The following ANKHD1 variants were observed in gnomAD, a reference collection of about 807,000 sequenced individuals.
The protein encoded by ANKHD1 is ankyrin repeat and KH domain-containing protein 1.
A neutral mutation model predicts 230.5 loss-of-function variants in ANKHD1; 31 were observed. That is an observed-to-expected ratio of 0.13 (90% CI 0.10 to 0.18). The LOEUF is 0.18. ANKHD1 is among the 10% of genes least tolerant of loss of function. ANKHD1 has a pLI of 1.00. For missense variants in ANKHD1, 2,256 were observed against 3,071.3 expected (o/e 0.73, Z 6.27); for synonymous variants, 1,074 against 1,117.6 (o/e 0.96, Z 0.78).
At position 140,507,708 on chromosome 5, in the gene ANKHD1, C is replaced by A; in HGVS notation, c.3552-77C>A. ...TTAGAAACCTCTCTTTTTAGTGAAA[C>A]CTTTTCATCTTTAATGCTTTTCTAA... On this transcript the variant is annotated intron_variant, in intron 19 of 33. Coordinates refer to ENST00000360839, the MANE Select transcript of ANKHD1 (RefSeq NM_017747.3). The surrounding 1 kb of genome is among the most constrained non-coding windows in gnomAD (Gnocchi z 4.1). The A allele has an allele frequency of 6.6e-7, 1 of 1,520,024 alleles. No individual in the cohort carries two copies. Among genetic ancestry groups the A allele is most frequent in the Non-Finnish European group, 8.9e-7 (1 of 1,125,242 alleles). 94.2% of individuals were successfully genotyped at this position (1,520,024 alleles called of 1,614,324 possible).
rs1346682129 is a variant in ANKHD1 at position 140,480,418 on chromosome 5, G to A, written c.1783-2162G>A. ...TTTTTAAAGTTTATTCTAAATCAGG[G>A]CTGAAAGCTTTGAAATCATTTTTCA... On this transcript the variant is annotated intron_variant, in intron 10 of 33. Coordinates refer to ENST00000360839, the MANE Select transcript of ANKHD1 (RefSeq NM_017747.3). Among the ~76,000 whole-genome samples, 4 of 152,080 alleles carry A rather than the reference G, an allele frequency of 2.6e-5. No individual in the cohort carries two copies. In the East Asian group the frequency reaches 7.7e-4, roughly 29 times the overall value.
chr5:140,432,838 G>A (rs1347393165), intron 1 of ANKHD1, among the ~76,000 whole-genome samples: 8 of 151,938 alleles, frequency 5.3e-5, no homozygotes, highest in Non-Finnish European at 1.2e-4. Flanking sequence ...TGAGTAGCTG[G>A]GACTACAGTT....
chr5:140,436,070 T>C (rs762530444), intron 1 of ANKHD1, 34 bp from the exon 2 acceptor site: 15 of 1,483,844 alleles, frequency 1.0e-5, no homozygotes, highest in Non-Finnish European at 1.3e-5. Flanking sequence ...TTGATATCAG[T>C]TTCATGGATA....
At chr5:140,459,997 C>G (rs1581280589) in intron 9 of ANKHD1, among the ~76,000 whole-genome samples, 2 of 152,168 alleles carry the variant, frequency 1.3e-5, no homozygotes, top group East Asian at 3.9e-4. Flanking sequence ...CACCTTCTTT[C>G]TCCGTCTAAT....
intron 1 of ANKHD1, among the ~76,000 whole-genome samples, chr5:140,408,395 C>T (rs1770654013): frequency 6.6e-6 from 1 of 152,100 alleles, no homozygotes; most frequent in African/African-American, 2.4e-5. Flanking sequence ...TTCATATACA[C>T]ATACTTTAAA....
Position 140,459,415 on chromosome 5 carries a change from G to T in ANKHD1, c.1672+60G>T, listed in dbSNP as rs1458633507. On this transcript the variant is annotated intron_variant, in intron 9 of 33. Coordinates refer to ENST00000360839, the MANE Select transcript of ANKHD1 (RefSeq NM_017747.3). ...GACAAATACAAATAATAGTTTATAT[G>T]TGGAATCTAAAAACGTTGAGCTCCT... 9 of 1,447,730 alleles carry T rather than the reference G, an allele frequency of 6.2e-6. No individual in the cohort carries two copies. The African/African-American group carries it at 1.3e-4, about 21-fold the overall frequency. The allele number at this position is 1,447,730 out of a possible 1,614,324, so 89.7% of individuals were successfully genotyped here. A position where few individuals can be genotyped will look rare whatever the true frequency, so the allele number is the denominator to read the frequency against.
chr5:140,433,703 G>C (rs905721396), intron 1 of ANKHD1, among the ~76,000 whole-genome samples: 7 of 152,088 alleles, frequency 4.6e-5, no homozygotes, highest in Admixed American at 1.3e-4. Flanking sequence ...GAGAGAATGA[G>C]AGACTACTGG....
At position 140,539,648 on chromosome 5, in the gene ANKHD1, C is replaced by A. The variant is rs747559019; in HGVS notation, c.*230C>A. 153 of 442,356 alleles carry A rather than the reference C, an allele frequency of 3.5e-4. No individual in the cohort carries two copies. Among genetic ancestry groups the A allele is most frequent in the Non-Finnish European group, 5.4e-4 (135 of 250,528 alleles). 27.4% of individuals were successfully genotyped at this position (442,356 alleles called of 1,614,324 possible). On this transcript the variant is annotated 3_prime_UTR_variant, in exon 34 of 34. Coordinates refer to ENST00000360839, the MANE Select transcript of ANKHD1 (RefSeq NM_017747.3). ...TATGACCTTAGTGCTTTTGGCTAAA[C>A]ATACAGAATACTACTTGTATGCAGA...
rs1235431424 is a variant in ANKHD1 at position 140,520,626 on chromosome 5, G to C, written c.4318-3440G>C. Among the ~76,000 whole-genome samples, 3 of 151,974 alleles carry C rather than the reference G, an allele frequency of 2.0e-5. No homozygotes were observed. In the East Asian group the frequency reaches 5.8e-4, roughly 29 times the overall value. ...AAAAAATGATGAGTTCATGTCCTTTGTGGGGACATGGATGAAATTGGAAAT... is the reference window on the plus strand; with the variant it reads ...AAAAAATGATGAGTTCATGTCCTTTCTGGGGACATGGATGAAATTGGAAAT... On this transcript the variant is annotated intron_variant, in intron 24 of 33. Transcript: ENST00000360839.
chr5:140,509,713 C>A lies in ANKHD1; in HGVS notation c.3842C>A (p.Ala1281Glu). ...GGAAGAGTTCTTCTTGATAAAGGAG[C>A]AGATGTTAATGCTCCCCCTGTGCCT... ...EVGRVLLDKG[A>E]DVNAPPVPSS... Residue 1281 changes from alanine to glutamate, a missense_variant, in exon 21 of 34, where the codon GCA (alanine) becomes GAA (glutamate). Coordinates refer to ENST00000360839, the MANE Select transcript of ANKHD1 (RefSeq NM_017747.3). The A allele has an allele frequency of 1.2e-6, 2 of 1,613,340 alleles. No homozygotes were observed. Among genetic ancestry groups the A allele is most frequent in the Non-Finnish European group, 1.7e-6 (2 of 1,179,830 alleles).
intron 7 of ANKHD1, among the ~76,000 whole-genome samples, chr5:140,457,482 A>T (rs1775290087): frequency 6.6e-6 from 1 of 152,244 alleles, no homozygotes; most frequent in South Asian, 2.1e-4. Context: ...AGACTGGATT[A>T]AGAAAATGTG....
At chr5:140,454,300 A>G (rs989218295) in intron 7 of ANKHD1, among the ~76,000 whole-genome samples, 10 of 152,176 alleles carry the variant, frequency 6.6e-5, no homozygotes, top group Admixed American at 6.5e-4. Context: ...TAGACAGATC[A>G]ACAAGACAGA....
chr5:140,427,568 T>C lies in ANKHD1; in HGVS notation c.307-8536T>C, dbSNP rs1220603426. Among the ~76,000 whole-genome samples, 211 of 59,282 alleles carry C rather than the reference T, an allele frequency of 3.6e-3. 2 individuals are homozygous for C. The highest frequency in any genetic ancestry group is 0.015 in the Middle Eastern group (1 of 66). 38.9% of individuals were successfully genotyped at this position (59,282 alleles called of 152,430 possible). ...GGGGGGCTGACCCCCCCACCTCCCT[T>C]GCGGACGGGGCGGCTGGCCGGGCGG... On this transcript the variant is annotated intron_variant, in intron 1 of 33. Transcript: ENST00000360839.
In ANKHD1 at chr5:140,506,522, C is replaced by G. The variant is rs1367148916; in HGVS notation, c.3409-313C>G. On this transcript the variant is annotated intron_variant, in intron 18 of 33. Coordinates refer to ENST00000360839, the MANE Select transcript of ANKHD1 (RefSeq NM_017747.3). The surrounding 1 kb of genome is among the most constrained non-coding windows in gnomAD (Gnocchi z 4.7). ...AAAGCCAAATAAAAATTATCTTAAT[C>G]CTTACATTTATTCGGATTGAATGAA... 6.6e-6 allele frequency among the ~76,000 whole-genome samples: 1 copy of G among 152,148 alleles called. No individual in the cohort carries two copies. Among genetic ancestry groups the G allele is most frequent in the Non-Finnish European group, 1.5e-5 (1 of 68,018 alleles).
chr5:140,530,689 C>CT (rs1214081712), intron 29 of ANKHD1, among the ~76,000 whole-genome samples: 1 of 152,234 alleles, frequency 6.6e-6, no homozygotes, highest in Non-Finnish European at 1.5e-5. Context: ...GAACCAGAAT[C>CT]TATTTTCTAT....
At chr5:140,537,953 G>C (rs1329162061) in intron 31 of ANKHD1, 133 bp from the exon 32 acceptor site, 10 of 1,371,146 alleles carry the variant, frequency 7.3e-6, no homozygotes, top group African/African-American at 1.5e-5. Flanking sequence ...TAGCAAGACT[G>C]TGATAAATAC....
chr5:140,406,237 CAAAA>C (rs531153182), intron 1 of ANKHD1, among the ~76,000 whole-genome samples: 2 of 91,050 alleles, frequency 2.2e-5, no homozygotes, highest in Non-Finnish European at 2.3e-5. Flanking sequence ...GACTCTGTCT[CAAAA>C]AAAAAAAAAA....
At chr5:140,440,858 AT>A in intron 4 of ANKHD1, 136 bp from the exon 5 acceptor site, 1 of 1,166,118 alleles carries the variant, frequency 8.6e-7, no homozygotes, top group Non-Finnish European at 1.1e-6. Context: ...TATTGGCATA[AT>A]TTTTTCAAAA....
At chr5:140,487,967 A>T (rs538989062) in intron 14 of ANKHD1, among the ~76,000 whole-genome samples, 77 of 152,286 alleles carry the variant, frequency 5.1e-4, no homozygotes, top group African/African-American at 1.7e-3. Context: ...CAATTTTAGT[A>T]ATTTAAAGTA....
Sources: gnomAD v4.1 joint callset for allele counts (sites outside exome capture counted in the v4.1 genomes callset) on GRCh38, gnomAD v4.1.1 for gene constraint, Gnocchi (gnomAD v3.1) non-coding constraint, MANE v1.5 for transcripts, NCBI Gene and HGNC (gene_info 2026-07-23, HGNC 2026-07-21) for gene names.